The following LYZL4 variants were observed in gnomAD, a reference collection of about 807,000 sequenced individuals.
LYZL4 encodes the protein lysozyme like 4.
In LYZL4, 13 loss-of-function variants were observed where a neutral mutation model predicts 17.6. That is an observed-to-expected ratio of 0.74 (90% CI 0.48 to 1.18). The LOEUF (loss-of-function observed/expected upper bound fraction) is 1.18, where lower values mean the gene tolerates loss of function less well. Ranked by LOEUF, LYZL4 falls within the 50% of genes most tolerant of loss-of-function variation. The probability of loss-of-function intolerance (pLI) is 0.00; values close to 1 mark genes in which losing one functional copy is unlikely to be tolerated. For synonymous variants in LYZL4, 64 were observed against 67.7 expected, an observed-to-expected ratio of 0.95 and a Z score of 0.27; for missense variants, 174 against 188.2, an observed-to-expected ratio of 0.92 and a Z score of 0.44.
At chr3:42,393,230 G>A (rs558979183), downstream of LYZL4, among the ~76,000 whole-genome samples, 71 of 152,274 alleles carry the variant, frequency 4.7e-4, no homozygotes, top group South Asian at 3.3e-3. Flanking sequence ...AGGGACAATC[G>A]TGGAAAGCAG....
rs1170576709 is a variant in LYZL4, at chr3:42,397,213, AC to A, written c.*51del. 3.2e-6 allele frequency: 4 copies of A among 1,249,734 alleles called. No individual in the cohort carries two copies. Among genetic ancestry groups the A allele is most frequent in the Non-Finnish European group, 4.6e-6 (4 of 877,876 alleles). 77.4% of individuals were successfully genotyped at this position (1,249,734 alleles called of 1,614,324 possible). ...TGACTGAAGCAGCAAGCAGAAAAGC[AC>A]CTTCATTCACAAGATGCAACTGGTG... On this transcript the variant is annotated 3_prime_UTR_variant, in exon 5 of 5. Transcript: ENST00000287748.
the LYZL4 span, among the ~76,000 whole-genome samples, chr3:42,384,120 A>G: frequency 6.6e-6 from 1 of 152,224 alleles, no homozygotes; most frequent in Non-Finnish European, 1.5e-5. Context: ...ACAAAGAACT[A>G]GAATCAAAAA....
chr3:42,370,415 G>C, the LYZL4 span, among the ~76,000 whole-genome samples: 3 of 152,112 alleles, frequency 2.0e-5, no homozygotes, highest in Non-Finnish European at 4.4e-5. Context: ...GGTTTGGCTT[G>C]CTCTTCTGCC....
intron 1 of LYZL4, among the ~76,000 whole-genome samples, chr3:42,407,703 T>TAAA (rs374114728): frequency 0.017 from 2,321 of 140,076 alleles, 24 homozygotes; most frequent in Admixed American, 0.026. Flanking sequence ...AAAGAGAAAT[T>TAAA]AAAAAAAAAA....
the LYZL4 span, among the ~76,000 whole-genome samples, chr3:42,368,145 C>T: frequency 6.6e-6 from 1 of 152,216 alleles, no homozygotes; most frequent in African/African-American, 2.4e-5. Context: ...CCATTAGGAC[C>T]ATTTTGGTTT....
chr3:42,366,550 T>G, the LYZL4 span, among the ~76,000 whole-genome samples: 1 of 152,130 alleles, frequency 6.6e-6, no homozygotes, highest in East Asian at 1.9e-4. Flanking sequence ...ACATCTTGAC[T>G]CCAGTGTCAC....
the LYZL4 span, among the ~76,000 whole-genome samples, chr3:42,389,477 T>C: frequency 6.6e-6 from 1 of 152,216 alleles, no homozygotes; most frequent in African/African-American, 2.4e-5. Context: ...CCTGTAGCTC[T>C]TCTGTTAATT....
downstream of LYZL4, among the ~76,000 whole-genome samples, chr3:42,394,149 TGTC>T (rs1698522684): frequency 6.6e-6 from 1 of 152,218 alleles, no homozygotes; most frequent in Non-Finnish European, 1.5e-5. Context: ...ATTTCCACAC[TGTC>T]TTCTCGATTT....
chr3:42,372,557 A>T, the LYZL4 span, among the ~76,000 whole-genome samples: 35 of 152,332 alleles, frequency 2.3e-4, no homozygotes, highest in African/African-American at 8.4e-4. Context: ...GTGAGAGTTC[A>T]GTCCCACTGG....
At chr3:42,399,112 C>T (rs1387387443) in intron 4 of LYZL4, among the ~76,000 whole-genome samples, 2 of 152,184 alleles carry the variant, frequency 1.3e-5, no homozygotes, top group Admixed American at 1.3e-4. Flanking sequence ...TTTGTAATTT[C>T]AACATGCAAA....
chr3:42,400,087 T>C (rs1488148928), intron 4 of LYZL4, among the ~76,000 whole-genome samples: 2 of 152,100 alleles, frequency 1.3e-5, no homozygotes, highest in Non-Finnish European at 2.9e-5. Context: ...GAGACAGACA[T>C]AACCTTCTGG....
At chr3:42,396,294 G>A (rs72859455), downstream of LYZL4, among the ~76,000 whole-genome samples, 2,712 of 152,274 alleles carry the variant, frequency 0.018, 89 homozygotes, top group African/African-American at 0.062. Context: ...CCATGATGGT[G>A]TGGGTCCCAT....
At chr3:42,370,460 T>C in the LYZL4 span, among the ~76,000 whole-genome samples, 9 of 152,324 alleles carry the variant, frequency 5.9e-5, no homozygotes, top group East Asian at 1.7e-3. Context: ...AGGTAGCCCC[T>C]GGTCCAGGGA....
intron 3 of LYZL4, 54 bp from the exon 4 acceptor site, chr3:42,404,178 G>T: frequency 8.2e-7 from 1 of 1,216,084 alleles, no homozygotes; most frequent in Non-Finnish European, 1.2e-6. Context: ...AGTTAAGTTA[G>T]AGTGATGTCA....
At chr3:42,406,821 G>T (rs560939751) in intron 3 of LYZL4, 25 bp downstream of exon 3, 2 of 1,612,270 alleles carry the variant, frequency 1.2e-6, no homozygotes. Context: ...CAGTGCCCCC[G>T]CACGGAATGG....
In LYZL4 at chr3:42,404,040, A is replaced by G; in HGVS notation, c.371+6T>C. The G allele has an allele frequency of 6.3e-7, 1 of 1,590,058 alleles. No homozygotes were observed. The highest frequency in any genetic ancestry group is 1.7e-5 in the Admixed American group (1 of 59,806). The stretch of plus-strand genomic sequence containing the variant: ...AATACAGGCTACATAAAAATGTAAG[A>G]CTTACCATGCTCCCATCCCTTCTTT... On this transcript the variant is annotated splice_donor_region_variant and intron_variant, in intron 4 of 4. Coordinates refer to ENST00000287748, the MANE Select transcript of LYZL4 (RefSeq NM_144634.4).
the LYZL4 span, among the ~76,000 whole-genome samples, chr3:42,371,863 A>G: frequency 2.3e-4 from 35 of 152,338 alleles, no homozygotes; most frequent in Admixed American, 1.8e-3. Flanking sequence ...TTTCCATGGC[A>G]AAACAGACTA....
the LYZL4 span, among the ~76,000 whole-genome samples, chr3:42,362,032 C>A: frequency 1.3e-5 from 2 of 152,122 alleles, no homozygotes; most frequent in Admixed American, 1.3e-4. Context: ...GAACATGTCA[C>A]AAGAGCCAGT....
chr3:42,365,243 G>A, the LYZL4 span, among the ~76,000 whole-genome samples: 1 of 152,182 alleles, frequency 6.6e-6, no homozygotes. Context: ...TTGGAACCAA[G>A]TGGCTTACAA....
Sources: gnomAD v4.1 joint callset for allele counts (sites outside exome capture counted in the v4.1 genomes callset) on GRCh38, gnomAD v4.1.1 for gene constraint, MANE v1.5 for transcripts, NCBI Gene and HGNC (gene_info 2026-07-23, HGNC 2026-07-21) for gene names.